LRRC20: variants seen among roughly 807,000 people sequenced by gnomAD.
The protein encoded by LRRC20 is leucine rich repeat containing 20, also known as leucine-rich repeat-containing protein 20.
A neutral mutation model predicts 14.4 loss-of-function variants in LRRC20; 11 were observed. That is an observed-to-expected ratio of 0.77 (90% CI 0.48 to 1.27). The LOEUF (loss-of-function observed/expected upper bound fraction) is 1.27. Ranked by LOEUF, LRRC20 falls within the 50% of genes most tolerant of loss-of-function variation. The pLI, the probability that LRRC20 is intolerant of heterozygous loss-of-function variation, is 0.00. For missense variants in LRRC20, 219 were observed against 251.2 expected (o/e 0.87, Z 0.87); for synonymous variants, 121 against 107.3 (o/e 1.13, Z -0.79).
chr10:70,348,333 A>C (rs1843156104), intron 2 of LRRC20, among the ~76,000 whole-genome samples: 1 of 152,160 alleles, frequency 6.6e-6, no homozygotes, highest in African/African-American at 2.4e-5. Flanking sequence ...ACAGTTCTCC[A>C]TGGTCCCGGG....
intron 2 of LRRC20, among the ~76,000 whole-genome samples, chr10:70,375,428 C>G (rs779691980): frequency 2.4e-4 from 36 of 152,170 alleles, no homozygotes; most frequent in Non-Finnish European, 4.6e-4. Context: ...CTGGAAGAGG[C>G]AGTGATCAAG....
chr10:70,322,851 C>T lies in LRRC20; in HGVS notation c.400+1012G>A, dbSNP rs541636342. ...CTCAAAGGTCAGCTGGTCCCACCTC[C>T]CACCCAGCCAGGGTCAGAGTCCTGC... is the stretch of plus-strand genomic sequence containing the variant. On this transcript the variant is annotated intron_variant, in intron 4 of 4. Coordinates refer to ENST00000446961, the MANE Select transcript of LRRC20 (RefSeq NM_001278212.2). 4.6e-5 allele frequency among the ~76,000 whole-genome samples: 7 copies of T among 152,116 alleles called. No individual in the cohort carries two copies. In the South Asian group the frequency reaches 1.2e-3, roughly 27 times the overall value.
intron 1 of LRRC20, 156 bp downstream of exon 1, chr10:70,382,393 C>A (rs936456266): frequency 1.6e-4 from 25 of 152,528 alleles, no homozygotes; most frequent in Middle Eastern, 3.4e-3. Flanking sequence ...CTCTTTTCCA[C>A]CGGGTGACCT....
chr10:70,312,706 C>G (rs935028638), intron 4 of LRRC20, among the ~76,000 whole-genome samples: 2 of 152,276 alleles, frequency 1.3e-5, no homozygotes, highest in African/African-American at 4.8e-5. Context: ...AAGCTGTGCA[C>G]CCTCAGGCAA....
intron 3 of LRRC20, among the ~76,000 whole-genome samples, chr10:70,335,431 C>T (rs575964022): frequency 9.2e-5 from 14 of 152,338 alleles, no homozygotes; most frequent in African/African-American, 3.1e-4. Flanking sequence ...CAACCAAAGC[C>T]GCTCCCCTGC....
intron 2 of LRRC20, among the ~76,000 whole-genome samples, chr10:70,371,558 C>T (rs1421524092): frequency 6.6e-6 from 1 of 151,918 alleles, no homozygotes; most frequent in Admixed American, 6.6e-5. Flanking sequence ...AGCCTGGCCC[C>T]ACAACCACAG....
chr10:70,302,867 T>C (rs1274830435), intron 4 of LRRC20, among the ~76,000 whole-genome samples: 6 of 152,144 alleles, frequency 3.9e-5, no homozygotes, highest in South Asian at 2.1e-4. Flanking sequence ...CGCGCCACCA[T>C]GCCCAGCTAA....
intron 4 of LRRC20, among the ~76,000 whole-genome samples, chr10:70,301,939 T>C (rs1406350686): frequency 6.6e-6 from 1 of 152,248 alleles, no homozygotes; most frequent in African/African-American, 2.4e-5. Context: ...TATGTCCATA[T>C]ATATATGATA....
chr10:70,339,120 T>G (rs1009658163), intron 3 of LRRC20, among the ~76,000 whole-genome samples: 2 of 152,196 alleles, frequency 1.3e-5, no homozygotes, highest in East Asian at 3.9e-4. Flanking sequence ...TTGCCTTCAG[T>G]GTGACAGGAC....
chr10:70,340,684 A>C lies in LRRC20; in HGVS notation c.101T>G (p.Leu34Arg), dbSNP rs200527688. 1 of 1,614,088 alleles carries C rather than the reference A, an allele frequency of 6.2e-7. No individual in the cohort carries two copies. The highest frequency in any genetic ancestry group is 8.5e-7 in the Non-Finnish European group (1 of 1,180,046). ...SDTLDLAECK[L>R]VSFPIGIYKV... Reference sequence around the variant, plus strand: ...GTAGATGCCAATGGGAAAGGAGACCAGCTTGCACTCGGCCAGGTCTGCAGC... The same window carrying C: ...GTAGATGCCAATGGGAAAGGAGACCCGCTTGCACTCGGCCAGGTCTGCAGC... The change falls in exon 3 of 5, where the codon CTG becomes CGG. Residue 34 changes from leucine (L) to arginine (R), a missense_variant. Leu to Arg is a moderately radical substitution (Grantham distance 102, BLOSUM62 -2). Transcript: ENST00000446961.
intron 2 of LRRC20, among the ~76,000 whole-genome samples, chr10:70,368,121 C>T (rs943342410): frequency 1.3e-5 from 2 of 148,846 alleles, no homozygotes; most frequent in Non-Finnish European, 3.0e-5. Context: ...GTAGCTGAGA[C>T]TACAGGCATG....
intron 2 of LRRC20, among the ~76,000 whole-genome samples, chr10:70,355,081 GC>G (rs1297806715): frequency 3.3e-5 from 5 of 152,112 alleles, no homozygotes; most frequent in Admixed American, 1.3e-4. Context: ...TCAAACAGGA[GC>G]CCCCCATGAC....
intron 4 of LRRC20, among the ~76,000 whole-genome samples, chr10:70,305,315 C>G (rs913935734): frequency 6.6e-6 from 1 of 152,182 alleles, no homozygotes; most frequent in East Asian, 1.9e-4. Flanking sequence ...CTGCTAAGAA[C>G]ATGAGTGCGC....
At chr10:70,335,750 ACACT>A (rs1371233523) in intron 3 of LRRC20, among the ~76,000 whole-genome samples, 1 of 152,192 alleles carries the variant, frequency 6.6e-6, no homozygotes, top group African/African-American at 2.4e-5. Context: ...CCGCTCTGTA[ACACT>A]CAGTCTTCTA....
chr10:70,372,929 C>T (rs1402111079), intron 2 of LRRC20, among the ~76,000 whole-genome samples: 3 of 125,096 alleles, frequency 2.4e-5, no homozygotes, highest in African/African-American at 9.2e-5. Context: ...ATGGCAAAAC[C>T]CCATCTCTAC....
intron 4 of LRRC20, among the ~76,000 whole-genome samples, chr10:70,304,053 G>A (rs1207382647): frequency 1.1e-4 from 16 of 152,000 alleles, no homozygotes; most frequent in Non-Finnish European, 1.0e-4. Flanking sequence ...ACCAGAATAA[G>A]GCAGCAGCTA....
intron 4 of LRRC20, among the ~76,000 whole-genome samples, chr10:70,319,886 A>G (rs1842009872): frequency 6.6e-6 from 1 of 152,178 alleles, no homozygotes; most frequent in Non-Finnish European, 1.5e-5. Flanking sequence ...CTGGCAGGCC[A>G]GTCCCCAAGA....
intron 2 of LRRC20, among the ~76,000 whole-genome samples, chr10:70,360,716 T>C (rs1465611740): frequency 3.3e-5 from 5 of 152,160 alleles, no homozygotes; most frequent in African/African-American, 1.2e-4. Context: ...GTGCGAGGAT[T>C]ACAGGTGTGA....
At chr10:70,308,349 G>A (rs796771656) in intron 4 of LRRC20, among the ~76,000 whole-genome samples, 6 of 152,260 alleles carry the variant, frequency 3.9e-5, no homozygotes, top group African/African-American at 1.4e-4. Flanking sequence ...GGCTGACACC[G>A]AGACGGAGAA....
Sources: allele counts gnomAD v4.1 joint callset (sites outside exome capture counted in the v4.1 genomes callset), GRCh38; gene constraint gnomAD v4.1.1; transcripts MANE v1.5; gene names NCBI Gene and HGNC (gene_info 2026-07-23, HGNC 2026-07-21).